GARRE1: variants seen among roughly 807,000 people sequenced by gnomAD.
The protein encoded by GARRE1 is granule associated Rac and RHOG effector 1.
GARRE1 carries 49 observed loss-of-function variants against 103.2 expected under a neutral mutation model. The observed-to-expected ratio is 0.47, with a 90% CI of 0.38 to 0.60. GARRE1 has a LOEUF of 0.60. Among genes scored for constraint, GARRE1 ranks in the 20% least tolerant of loss-of-function variants. The probability of loss-of-function intolerance (pLI) is 0.00; values close to 1 mark genes in which losing one functional copy is unlikely to be tolerated. For synonymous variants in GARRE1, 505 were observed against 532.8 expected (o/e 0.95, Z 0.72); for missense variants, 1,199 against 1,370.5 (o/e 0.87, Z 1.98).
At position 34,355,056 on chromosome 19, in the gene GARRE1, C is replaced by T. The variant is rs1245992083; in HGVS notation, c.*2101C>T. On this transcript the variant is annotated 3_prime_UTR_variant, in exon 14 of 14. Coordinates refer to ENST00000299505, the MANE Select transcript of GARRE1 (RefSeq NM_014686.5). ...TACTTGTAAGATAGTTTTCTATTTCCTTCAGTAATGTGTCCACAGTACCCT... is the reference window on the plus strand; with the variant it reads ...TACTTGTAAGATAGTTTTCTATTTCTTTCAGTAATGTGTCCACAGTACCCT... 1.3e-5 allele frequency: 2 copies of T among 152,588 alleles called. No homozygotes were observed. The highest frequency in any genetic ancestry group is 1.3e-4 in the Admixed American group (2 of 15,264). The allele number at this position is 152,588 out of a possible 1,614,324, so 9.5% of individuals were successfully genotyped here.
intron 7 of GARRE1, among the ~76,000 whole-genome samples, chr19:34,332,022 G>T (rs1195342189): frequency 6.6e-6 from 1 of 151,702 alleles, no homozygotes; most frequent in Non-Finnish European, 1.5e-5. Flanking sequence ...TGGCATTTCA[G>T]TCAGAGGTTG....
intron 10 of GARRE1, among the ~76,000 whole-genome samples, chr19:34,342,799 G>T (rs1412825574): frequency 6.6e-6 from 1 of 151,900 alleles, no homozygotes. Context: ...CCTTTGTGGG[G>T]TGCTTTTTTC....
At chr19:34,323,379 A>G (rs2074098470) in intron 3 of GARRE1, among the ~76,000 whole-genome samples, 1 of 152,114 alleles carries the variant, frequency 6.6e-6, no homozygotes, top group Non-Finnish European at 1.5e-5. Flanking sequence ...AAATTTTCAA[A>G]ACATGATTTT....
chr19:34,325,783 G>A (rs982258790), intron 3 of GARRE1, among the ~76,000 whole-genome samples: 2 of 152,090 alleles, frequency 1.3e-5, no homozygotes, highest in African/African-American at 4.8e-5. Context: ...CCCTGCCCTC[G>A]CTCACTGGGC....
intron 1 of GARRE1, among the ~76,000 whole-genome samples, chr19:34,297,837 T>A (rs964224895): frequency 6.6e-6 from 1 of 152,232 alleles, no homozygotes; most frequent in Admixed American, 6.5e-5. Context: ...TTATGAGATT[T>A]TTTTTAAAGA....
At position 34,327,446 on chromosome 19, in the gene GARRE1, G is replaced by A. The variant is rs1179214888; in HGVS notation, c.731G>A (p.Gly244Asp). 6.2e-7 allele frequency: 1 copy of A among 1,613,940 alleles called. No homozygotes were observed. Among genetic ancestry groups the A allele is most frequent in the South Asian group, 1.1e-5 (1 of 91,082 alleles). The stretch of plus-strand genomic sequence containing the variant: ...GCGACATCTAGACTAAGAGAAAGAG[G>A]CTGTGATGGTTGCCTGGCAGGAATT... ...AEATSRLRER[G>D]CDGCLAGIEV... Residue 244 changes from glycine (G) to aspartate (D), a missense_variant, in exon 4 of 14, where the codon GGC becomes GAC. Coordinates refer to ENST00000299505, the MANE Select transcript of GARRE1 (RefSeq NM_014686.5).
At position 34,329,173 on chromosome 19, in the gene GARRE1, G is replaced by A. The variant is rs574008842; in HGVS notation, c.1105-1016G>A. Among the ~76,000 whole-genome samples the A allele has an allele frequency of 2.6e-5, 4 of 152,278 alleles. No homozygotes were observed. The South Asian group carries it at 8.3e-4, about 32-fold the overall frequency. On this transcript the variant is annotated intron_variant, in intron 6 of 13. Transcript: ENST00000299505. ...TGCCCTTTGGCCCACCTGCCACATG[G>A]GAACTGATACCCAAGGTCACACAGC... is the stretch of plus-strand genomic sequence containing the variant.
At chr19:34,265,340 C>A (rs79954309) in intron 1 of GARRE1, among the ~76,000 whole-genome samples, 14,544 of 152,164 alleles carry the variant, frequency 0.096, 1,081 homozygotes, top group African/African-American at 0.2. Flanking sequence ...TGGTTCCTCT[C>A]ACCAGCCACA....
intron 1 of GARRE1, among the ~76,000 whole-genome samples, chr19:34,284,258 G>A (rs1168163335): frequency 6.6e-6 from 1 of 150,416 alleles, no homozygotes; most frequent in African/African-American, 2.4e-5. Context: ...CCAAGTAGCT[G>A]AAATTACCGG....
rs145667432 is a variant in GARRE1, at chr19:34,349,132, T to C, written c.2804T>C (p.Val935Ala). 1.9e-5 allele frequency: 30 copies of C among 1,612,628 alleles called. No homozygotes were observed. The highest frequency in any genetic ancestry group is 2.5e-5 in the Non-Finnish European group (29 of 1,180,010). The change falls in exon 12 of 14, where the codon GTT becomes GCT. Residue 935 changes from valine (V) to alanine (A), a missense_variant. Physicochemically the swap from Val to Ala is moderately conservative, Grantham distance 64 (BLOSUM62 0). Transcript: ENST00000299505. ...TCCATGTTTTCAGGGCCTGACCTCG[T>C]TGCTGCTGTCAAGCAGAGAAGGTAT... is the stretch of plus-strand genomic sequence containing the variant. ...LFSMFSGPDL[V>A]AAVKQRRKHS... is the part of the protein sequence containing the mutation.
intron 1 of GARRE1, among the ~76,000 whole-genome samples, chr19:34,282,342 GGGTTTCA>G (rs1466026993): frequency 6.6e-6 from 1 of 151,990 alleles, no homozygotes; most frequent in Non-Finnish European, 1.5e-5. Flanking sequence ...AGTAGAGACG[GGGTTTCA>G]CCATGCTGGC....
At chr19:34,313,577 C>G (rs1160556836) in intron 2 of GARRE1, among the ~76,000 whole-genome samples, 1 of 152,140 alleles carries the variant, frequency 6.6e-6, no homozygotes. Flanking sequence ...GGATAATGTT[C>G]ATGGAGACTG....
intron 1 of GARRE1, among the ~76,000 whole-genome samples, chr19:34,272,546 T>C (rs1012954737): frequency 6.6e-5 from 10 of 152,168 alleles, no homozygotes; most frequent in African/African-American, 2.4e-4. Flanking sequence ...CTCCTGGGTC[T>C]GGTCCTTGGA....
chr19:34,287,647 A>G (rs770321737), intron 1 of GARRE1, among the ~76,000 whole-genome samples: 1 of 152,196 alleles, frequency 6.6e-6, no homozygotes, highest in African/African-American at 2.4e-5. Context: ...GGTAGCTTAT[A>G]AACAACAGAA....
At chr19:34,319,428 A>G (rs527312127) in intron 2 of GARRE1, among the ~76,000 whole-genome samples, 27 of 152,370 alleles carry the variant, frequency 1.8e-4, no homozygotes, top group African/African-American at 6.5e-4. Context: ...TAACACTCCT[A>G]CTAAAATAAC....
intron 11 of GARRE1, chr19:34,348,294 C>T (rs1211000467): frequency 3.0e-6 from 1 of 337,676 alleles, no homozygotes; most frequent in South Asian, 1.4e-4. Flanking sequence ...AAAACAGACT[C>T]TTCAGCCCTA....
At chr19:34,330,466 TGG>T in intron 7 of GARRE1, 119 bp downstream of exon 7, 1 of 1,040,924 alleles carries the variant, frequency 9.6e-7, no homozygotes, top group South Asian at 1.7e-5. Flanking sequence ...TTTGGTGCTG[TGG>T]AATTTAGACC....
At chr19:34,279,123 C>T (rs1400145741) in intron 1 of GARRE1, among the ~76,000 whole-genome samples, 3 of 152,154 alleles carry the variant, frequency 2.0e-5, no homozygotes, top group Non-Finnish European at 4.4e-5. Flanking sequence ...CTGCTCACGT[C>T]CTTGCTTTCA....
At position 34,352,606 on chromosome 19, in the gene GARRE1, A is replaced by G. The variant is rs199587182; in HGVS notation, c.2905-41A>G. 7.8e-5 allele frequency: 120 copies of G among 1,541,992 alleles called. No individual in the cohort carries two copies. In the East Asian group the frequency reaches 2.7e-3, roughly 34 times the overall value. ...CTGGGGAGGTGGGAAATGATGATACATTGCCCGAAATGCCACTAAGAACTC... is the reference window on the plus strand; with the variant it reads ...CTGGGGAGGTGGGAAATGATGATACGTTGCCCGAAATGCCACTAAGAACTC... On this transcript the variant is annotated intron_variant, in intron 13 of 13. Transcript: ENST00000299505.
Sources: allele counts gnomAD v4.1 joint callset (sites outside exome capture counted in the v4.1 genomes callset), GRCh38; gene constraint gnomAD v4.1.1; transcripts MANE v1.5; gene names NCBI Gene and HGNC (gene_info 2026-07-23, HGNC 2026-07-21).